The following BCAS3 variants were observed in gnomAD, a reference collection of about 807,000 sequenced individuals.
BCAS3 encodes the protein BCAS3 microtubule associated cell migration factor, also known as BCAS4/BCAS3 fusion.
BCAS3 carries 53 observed loss-of-function variants against 116.1 expected under a neutral mutation model. The ratio of observed to expected loss-of-function variants is 0.46; its 90% CI spans 0.37 to 0.57. The LOEUF (loss-of-function observed/expected upper bound fraction) is 0.57, where lower values mean the gene tolerates loss of function less well. Ranked by LOEUF, BCAS3 falls within the 20% of genes least tolerant of loss-of-function variation. The pLI is 0.00. For synonymous variants in BCAS3, 391 were observed against 408.2 expected, an observed-to-expected ratio of 0.96 and a Z score of 0.51; for missense variants, 917 against 1,165.4, an observed-to-expected ratio of 0.79 and a Z score of 3.10.
At chr17:60,861,346 C>T (rs1305009351) in intron 7 of BCAS3, among the ~76,000 whole-genome samples, 2 of 152,056 alleles carry the variant, frequency 1.3e-5, no homozygotes, top group African/African-American at 4.8e-5. Flanking sequence ...GATTTTATAT[C>T]CTGAAACCTT....
In BCAS3 at chr17:61,129,684, A is replaced by G. The variant is rs201886897; in HGVS notation, c.2425+45120A>G. Among the ~76,000 whole-genome samples the G allele has an allele frequency of 1.6e-4, 24 of 152,328 alleles. No individual in the cohort carries two copies. The East Asian group carries it at 4.4e-3, about 28-fold the overall frequency. On this transcript the variant is annotated intron_variant, in intron 22 of 23. Coordinates refer to ENST00000407086, the MANE Select transcript of BCAS3 (RefSeq NM_017679.5). ...GCCCTTGGCTGTGCTGTTGGAGAAA[A>G]GGAGAGCATCCTGTTTAGGGAGGTG...
chr17:60,715,734 C>T (rs1598259963), intron 5 of BCAS3, among the ~76,000 whole-genome samples: 4 of 152,184 alleles, frequency 2.6e-5, no homozygotes, highest in Admixed American at 2.6e-4. Context: ...CTGCCTGCCT[C>T]AGCCTCCCAA....
At chr17:61,049,791 G>GGC (rs2068689411) in intron 19 of BCAS3, among the ~76,000 whole-genome samples, 4 of 140,606 alleles carry the variant, frequency 2.8e-5, no homozygotes, top group Non-Finnish European at 4.5e-5. Flanking sequence ...AGAGTGCAAT[G>GGC]GCGTGATCTC....
chr17:61,386,483 T>C lies in BCAS3; in HGVS notation c.2594-5494T>C, dbSNP rs537692530. Among the ~76,000 whole-genome samples the C allele has an allele frequency of 7.2e-5, 11 of 152,342 alleles. No individual in the cohort carries two copies. The South Asian group carries it at 2.1e-3, about 29-fold the overall frequency. ...GGGCCCAGTCACAGTGCTCTGCCAA[T>C]CCCTTCAGTGGGCAGCATCAATGCT... On this transcript the variant is annotated intron_variant, in intron 23 of 23. Coordinates refer to ENST00000407086, the MANE Select transcript of BCAS3 (RefSeq NM_017679.5).
intron 18 of BCAS3, among the ~76,000 whole-genome samples, chr17:61,039,085 T>A (rs1329035073): frequency 6.6e-6 from 1 of 152,240 alleles, no homozygotes; most frequent in African/African-American, 2.4e-5. Flanking sequence ...TCATACTCAT[T>A]AGCAGTCACT....
At chr17:60,950,158 T>A (rs1374861752) in intron 14 of BCAS3, among the ~76,000 whole-genome samples, 1 of 152,036 alleles carries the variant, frequency 6.6e-6, no homozygotes, top group East Asian at 1.9e-4. Context: ...TAGATAATAT[T>A]AGGTATTCAG....
chr17:60,888,993 G>A (rs1475743824), intron 9 of BCAS3, among the ~76,000 whole-genome samples: 1 of 152,220 alleles, frequency 6.6e-6, no homozygotes. Flanking sequence ...TGGCAGCAGG[G>A]AAGAGTCAGC....
intron 22 of BCAS3, among the ~76,000 whole-genome samples, chr17:61,283,750 G>A (rs745765466): frequency 6.6e-6 from 1 of 152,010 alleles, no homozygotes; most frequent in African/African-American, 2.4e-5. Context: ...ACCGCACTTG[G>A]CCGTAAATTG....
intron 6 of BCAS3, among the ~76,000 whole-genome samples, chr17:60,750,540 C>G (rs148471022): frequency 2.0e-5 from 3 of 152,082 alleles, no homozygotes; most frequent in Non-Finnish European, 2.9e-5. Flanking sequence ...CGTTATTCAT[C>G]GATAACATGA....
At chr17:60,727,511 G>A in intron 5 of BCAS3, 2 of 1,426,922 alleles carry the variant, frequency 1.4e-6, no homozygotes, top group Non-Finnish European at 1.9e-6. Context: ...CCGTCTATGT[G>A]ATGAAAACGA....
At chr17:60,693,777 C>T (rs1282680762) in intron 4 of BCAS3, among the ~76,000 whole-genome samples, 2 of 149,964 alleles carry the variant, frequency 1.3e-5, no homozygotes, top group Non-Finnish European at 3.0e-5. Flanking sequence ...TCAACAGGCC[C>T]TTTTTTTCAG....
Position 61,152,822 on chromosome 17 carries a change from G to A in BCAS3, c.2425+68258G>A, listed in dbSNP as rs1312023756. 5.9e-5 allele frequency among the ~76,000 whole-genome samples: 9 copies of A among 152,238 alleles called. No homozygotes were observed. The East Asian group carries it at 1.5e-3, about 26-fold the overall frequency. ...TTCTCTCCACAAATCAGTGAAAGAT[G>A]TGCTTACCCCAACTGGGGCAAAGGA... On this transcript the variant is annotated intron_variant, in intron 22 of 23. Coordinates refer to ENST00000407086, the MANE Select transcript of BCAS3 (RefSeq NM_017679.5).
Position 61,096,400 on chromosome 17 carries a change from T to A in BCAS3, c.2425+11836T>A, listed in dbSNP as rs542828077. On this transcript the variant is annotated intron_variant, in intron 22 of 23. Transcript: ENST00000407086. ...GACCTCGTCTCTACAAAAAAAAAAA[T>A]TTTTAAATTAGCTGAGTATGGTGGT... 5.1e-3 allele frequency among the ~76,000 whole-genome samples: 778 copies of A among 151,730 alleles called. 5 individuals carry two copies. Among genetic ancestry groups the A allele is most frequent in the African/African-American group, 0.012 (480 of 41,404 alleles).
chr17:61,075,283 A>G (rs2071862658), intron 20 of BCAS3, among the ~76,000 whole-genome samples: 1 of 152,154 alleles, frequency 6.6e-6, no homozygotes, highest in South Asian at 2.1e-4. Context: ...TTTTTCACAC[A>G]ATCCATTTAA....
At chr17:60,854,970 T>A (rs2053534323) in intron 7 of BCAS3, among the ~76,000 whole-genome samples, 1 of 144,568 alleles carries the variant, frequency 6.9e-6, no homozygotes, top group South Asian at 2.2e-4. Flanking sequence ...TTTTTTTTTT[T>A]GTAGAGTCTT....
At position 61,324,130 on chromosome 17, in the gene BCAS3, CA is replaced by C. The variant is rs1391984425; in HGVS notation, c.2426-44196del. Among the ~76,000 whole-genome samples, 1 of 152,198 alleles carries C rather than the reference CA, an allele frequency of 6.6e-6. No homozygotes were observed. The highest frequency in any genetic ancestry group is 1.5e-5 in the Non-Finnish European group (1 of 68,040). ...TGGGACATACTGGGACTCTTCCCAT[CA>C]GGCTGCAAACTCCTCCAGAGGCAGG... On this transcript the variant is annotated intron_variant, in intron 22 of 23. Transcript: ENST00000407086. The surrounding 1 kb of genome is among the most constrained non-coding windows in gnomAD (Gnocchi z 4.6).
chr17:61,026,407 T>C lies in BCAS3; in HGVS notation c.1638-8259T>C, dbSNP rs755855564. ...AAATATGTGCCTCTTTCTGTGGTTC[T>C]GAGACTGGAACCAGTGAAAAGCAGA... On this transcript the variant is annotated intron_variant, in intron 16 of 23. Transcript: ENST00000407086. This position sits in a 1 kb window ranked among gnomAD's most constrained non-coding sequence, Gnocchi z 5.0. Among the ~76,000 whole-genome samples, 15 of 152,206 alleles carry C rather than the reference T, an allele frequency of 9.9e-5. No individual in the cohort carries two copies. Among genetic ancestry groups the C allele is most frequent in the Non-Finnish European group, 1.8e-4 (12 of 67,954 alleles).
chr17:60,920,379 G>C (rs2145140594), intron 12 of BCAS3, among the ~76,000 whole-genome samples: 1 of 152,278 alleles, frequency 6.6e-6, no homozygotes, highest in Non-Finnish European at 1.5e-5. Flanking sequence ...TCCAGCATCT[G>C]TAAGGAACTT....
intron 19 of BCAS3, among the ~76,000 whole-genome samples, chr17:61,048,529 A>G (rs1049866494): frequency 6.6e-6 from 1 of 152,012 alleles, no homozygotes; most frequent in African/African-American, 2.4e-5. Context: ...GTGTCGGCAA[A>G]TTACCATGTG....
Sources: allele counts gnomAD v4.1 joint callset (sites outside exome capture counted in the v4.1 genomes callset), GRCh38; gene constraint gnomAD v4.1.1; non-coding constraint Gnocchi (gnomAD v3.1); transcripts MANE v1.5; gene names NCBI Gene and HGNC (gene_info 2026-07-23, HGNC 2026-07-21).